The following G2E3 variants were observed in gnomAD, a reference collection of about 807,000 sequenced individuals.
G2E3 encodes the protein G2/M-phase specific E3 ubiquitin protein ligase.
G2E3 carries 35 observed loss-of-function variants against 92.8 expected under a neutral mutation model. That is an observed-to-expected ratio of 0.38 (90% confidence interval 0.29 to 0.50). The LOEUF (loss-of-function observed/expected upper bound fraction) is 0.50. G2E3 is among the 20% of genes least tolerant of loss of function. The pLI is 0.94. For synonymous variants in G2E3, 242 were observed against 272.4 expected, an observed-to-expected ratio of 0.89 and a Z score of 1.10; for missense variants, 554 against 823.8, an observed-to-expected ratio of 0.67 and a Z score of 4.01.
intron 4 of G2E3, 88 bp downstream of exon 4, chr14:30,589,572 T>C: frequency 1.4e-6 from 1 of 703,094 alleles, no homozygotes; most frequent in Non-Finnish European, 2.5e-6. Flanking sequence ...ACTAGAAATT[T>C]ATGACTTTGA....
At chr14:30,566,128 C>A (rs1261374130) in intron 1 of G2E3, among the ~76,000 whole-genome samples, 1 of 152,106 alleles carries the variant, frequency 6.6e-6, no homozygotes, top group African/African-American at 2.4e-5. Context: ...GTATGTCTGT[C>A]CTTGTGCCAG....
intron 1 of G2E3, among the ~76,000 whole-genome samples, chr14:30,575,999 A>G (rs905695448): frequency 6.6e-6 from 1 of 152,234 alleles, no homozygotes; most frequent in Admixed American, 6.5e-5. Flanking sequence ...AACATTCTTC[A>G]CAAAACTAGA....
At position 30,589,406 on chromosome 14, in the gene G2E3, G is replaced by C; in HGVS notation, c.159G>C (p.Gln53His). ...YCLLMSSGIWQRGKEEEGVYG... is the reference protein window; with the variant it reads ...YCLLMSSGIWHRGKEEEGVYG... ...AGTTGATGTCAAGTGGAATTTGGCA[G>C]AGAGGCAAAGAAGAAGAAGGAGTTT... Residue 53 changes from glutamine to histidine, a missense_variant, in exon 4 of 15, where the codon CAG becomes CAC. Gln to His is a conservative substitution (Grantham distance 24). Coordinates refer to ENST00000206595, the MANE Select transcript of G2E3 (RefSeq NM_017769.5). 1 of 1,601,162 alleles carries C rather than the reference G, an allele frequency of 6.2e-7. No individual in the cohort carries two copies. Among genetic ancestry groups the C allele is most frequent in the African/African-American group, 1.3e-5 (1 of 74,756 alleles).
chr14:30,565,363 A>G (rs1879365715), intron 1 of G2E3, among the ~76,000 whole-genome samples: 1 of 152,086 alleles, frequency 6.6e-6, no homozygotes, highest in African/African-American at 2.4e-5. Flanking sequence ...TGTATTCTAG[A>G]TACTAGACCC....
chr14:30,608,092 A>C (rs1373722487), intron 12 of G2E3, 23 bp downstream of exon 12: 2 of 1,364,244 alleles, frequency 1.5e-6, no homozygotes, highest in Non-Finnish European at 2.0e-6. Context: ...TCTGTTTATT[A>C]AAATGCACAC....
intron 5 of G2E3, among the ~76,000 whole-genome samples, chr14:30,593,255 A>G (rs1339197205): frequency 6.6e-6 from 1 of 152,176 alleles, no homozygotes; most frequent in African/African-American, 2.4e-5. Flanking sequence ...ATTCTGTATA[A>G]GTAAGTCTCA....
chr14:30,588,699 A>G (rs1254073581), intron 3 of G2E3, among the ~76,000 whole-genome samples: 1 of 152,172 alleles, frequency 6.6e-6, no homozygotes, highest in African/African-American at 2.4e-5. Flanking sequence ...GGTTTGAGAC[A>G]TTAATACTTG....
intron 1 of G2E3, among the ~76,000 whole-genome samples, chr14:30,580,314 C>A (rs1347806420): frequency 6.6e-6 from 1 of 152,152 alleles, no homozygotes; most frequent in Non-Finnish European, 1.5e-5. Flanking sequence ...TCAAGCAATT[C>A]TCTTGCCTCA....
At chr14:30,580,586 A>C (rs1365251826) in intron 1 of G2E3, among the ~76,000 whole-genome samples, 1 of 152,198 alleles carries the variant, frequency 6.6e-6, no homozygotes, top group African/African-American at 2.4e-5. Context: ...TAAATGATGA[A>C]CAATTCTGGG....
rs371178505 is a variant in G2E3 at position 30,583,817 on chromosome 14, C to T, written c.37+2701C>T. ...TAGTTGAGTCTTAACTCAGGTCTCT[C>T]TGACTCTTCAAGTTGTATTTTTGTG... On this transcript the variant is annotated intron_variant, in intron 2 of 14. Transcript: ENST00000206595. Among the ~76,000 whole-genome samples the T allele has an allele frequency of 1.8e-4, 28 of 152,288 alleles. No individual in the cohort carries two copies. In the East Asian group the frequency reaches 3.5e-3, roughly 19 times the overall value.
chr14:30,612,823 C>T (rs907638748), intron 13 of G2E3, among the ~76,000 whole-genome samples: 5 of 152,148 alleles, frequency 3.3e-5, no homozygotes, highest in African/African-American at 4.8e-5. Flanking sequence ...TGCCACTGCA[C>T]TCCAGCCTGG....
intron 11 of G2E3, among the ~76,000 whole-genome samples, chr14:30,607,097 G>T (rs1044792901): frequency 6.6e-6 from 1 of 152,028 alleles, no homozygotes; most frequent in Admixed American, 6.5e-5. Context: ...CCAGGGGGAT[G>T]GTTTGCATTA....
chr14:30,597,378 G>A (rs779858875), intron 6 of G2E3, 42 bp from the exon 7 acceptor site: 2 of 958,274 alleles, frequency 2.1e-6, no homozygotes, highest in African/African-American at 3.2e-5. Flanking sequence ...CCTGATAACA[G>A]ATTTAAATCA....
chr14:30,584,678 A>T (rs1880608113), intron 2 of G2E3, among the ~76,000 whole-genome samples: 1 of 151,482 alleles, frequency 6.6e-6, no homozygotes, highest in Admixed American at 6.6e-5. Context: ...CTCTTTGTAT[A>T]TCTTCTTTGG....
chr14:30,592,269 T>C (rs1881052574), intron 4 of G2E3, 54 bp from the exon 5 acceptor site: 3 of 1,488,546 alleles, frequency 2.0e-6, no homozygotes, highest in South Asian at 2.3e-5. Flanking sequence ...CTTGATCATA[T>C]TATAATACTC....
intron 1 of G2E3, among the ~76,000 whole-genome samples, chr14:30,576,036 A>T (rs1880066610): frequency 6.6e-6 from 1 of 152,196 alleles, no homozygotes; most frequent in African/African-American, 2.4e-5. Context: ...TTCATGTGGA[A>T]CGAAAAAAGA....
chr14:30,567,107 T>C (rs1879482362), intron 1 of G2E3, among the ~76,000 whole-genome samples: 1 of 152,194 alleles, frequency 6.6e-6, no homozygotes, highest in Admixed American at 6.5e-5. Flanking sequence ...TGCATCTATG[T>C]TCATAAGAGA....
chr14:30,600,759 A>G (rs1312543198), intron 8 of G2E3, among the ~76,000 whole-genome samples: 1 of 152,214 alleles, frequency 6.6e-6, no homozygotes, highest in Non-Finnish European at 1.5e-5. Context: ...GCTTAAGAGC[A>G]TGTCTGAAGC....
intron 7 of G2E3, 24 bp downstream of exon 7, chr14:30,597,550 T>A: frequency 9.0e-7 from 1 of 1,112,050 alleles, no homozygotes; most frequent in Non-Finnish European, 1.4e-6. Context: ...AGCCTTATGA[T>A]AAAAAAAAGA....
Sources: gnomAD v4.1 joint callset for allele counts (sites outside exome capture counted in the v4.1 genomes callset) on GRCh38, gnomAD v4.1.1 for gene constraint, MANE v1.5 for transcripts, NCBI Gene and HGNC (gene_info 2026-07-23, HGNC 2026-07-21) for gene names.